Variants in KIF26B observed in about 807,000 individuals in gnomAD.
KIF26B encodes the protein kinesin family member 26B, also known as kinesin-like protein KIF26B.
A neutral mutation model predicts 151.2 loss-of-function variants in KIF26B; 63 were observed. That is an observed-to-expected ratio of 0.42 (90% CI 0.34 to 0.51). The LOEUF (loss-of-function observed/expected upper bound fraction) is 0.51. Among genes scored for constraint, KIF26B ranks in the 20% least tolerant of loss-of-function variants. The pLI is 0.07. For synonymous variants in KIF26B, 1,357 were observed against 1,262.1 expected, an observed-to-expected ratio of 1.08 and a Z score of -1.59; for missense variants, 2,813 against 2,913.6, an observed-to-expected ratio of 0.97 and a Z score of 0.79.
At chr1:245,254,792 G>A (rs908071211) in intron 2 of KIF26B, among the ~76,000 whole-genome samples, 48 of 152,326 alleles carry the variant, frequency 3.2e-4, no homozygotes, top group African/African-American at 1.1e-3. Flanking sequence ...GGCTATGCAG[G>A]CAGCTATTCT....
intron 2 of KIF26B, among the ~76,000 whole-genome samples, chr1:245,304,111 C>T (rs1384106654): frequency 6.6e-6 from 1 of 152,220 alleles, no homozygotes; most frequent in Non-Finnish European, 1.5e-5. Context: ...AAGCCAGCCA[C>T]AGACCCAGGG....
intron 2 of KIF26B, among the ~76,000 whole-genome samples, chr1:245,307,782 C>T (rs1440661750): frequency 1.3e-5 from 2 of 151,138 alleles, no homozygotes; most frequent in Non-Finnish European, 2.9e-5. Context: ...GCTCTGTCGC[C>T]CAGGCTGGAG....
chr1:245,519,100 G>C (rs1033675017), intron 4 of KIF26B, among the ~76,000 whole-genome samples: 1 of 152,138 alleles, frequency 6.6e-6, no homozygotes, highest in Non-Finnish European at 1.5e-5. Context: ...TATAATGAGA[G>C]TTATTAGAGT....
intron 2 of KIF26B, among the ~76,000 whole-genome samples, chr1:245,297,968 C>A (rs1484342002): frequency 2.6e-5 from 4 of 152,124 alleles, no homozygotes; most frequent in African/African-American, 9.7e-5. Context: ...CTCACTGCAA[C>A]CTCCACCTCC....
chr1:245,158,216 A>T (rs765604344), intron 2 of KIF26B, among the ~76,000 whole-genome samples: 4 of 152,196 alleles, frequency 2.6e-5, no homozygotes, highest in Non-Finnish European at 5.9e-5. Flanking sequence ...ACCTATTCTT[A>T]TAATAGGCTT....
chr1:245,696,497 A>C (rs1451478791), intron 12 of KIF26B, among the ~76,000 whole-genome samples: 2 of 151,886 alleles, frequency 1.3e-5, no homozygotes, highest in East Asian at 3.9e-4. Context: ...GGGATATGTG[A>C]GATCAATGTT....
chr1:245,651,488 G>A (rs2044014774), intron 10 of KIF26B, among the ~76,000 whole-genome samples: 1 of 152,120 alleles, frequency 6.6e-6, no homozygotes, highest in African/African-American at 2.4e-5. Flanking sequence ...ATGGAGATTT[G>A]GGATTAGCCT....
chr1:245,421,769 G>C lies in KIF26B; in HGVS notation c.1166+2024G>C, dbSNP rs1253696075. On this transcript the variant is annotated intron_variant, in intron 4 of 14. Transcript: ENST00000407071. The stretch of plus-strand genomic sequence containing the variant: ...GAACATGAGTTCTCCTTAAATTCTT[G>C]GTGCGAGGAAACCAGCAGCGTCTTT... 2.0e-5 allele frequency among the ~76,000 whole-genome samples: 3 copies of C among 152,008 alleles called. No individual in the cohort carries two copies. In the East Asian group the frequency reaches 5.8e-4, roughly 29 times the overall value.
chr1:245,525,849 C>T (rs1661226957), intron 4 of KIF26B, among the ~76,000 whole-genome samples: 1 of 152,040 alleles, frequency 6.6e-6, no homozygotes, highest in Non-Finnish European at 1.5e-5. Context: ...TTATAATTAA[C>T]AATGTGTTAG....
chr1:245,480,857 G>A (rs1660154337), intron 4 of KIF26B, among the ~76,000 whole-genome samples: 1 of 151,078 alleles, frequency 6.6e-6, no homozygotes, highest in Admixed American at 6.6e-5. Context: ...TATTCTCAGT[G>A]AAAGGGACCA....
Position 245,699,843 on chromosome 1 carries a change from C to A in KIF26B, c.6178+806C>A, listed in dbSNP as rs1350028881. ...TGCACTGCCCCAACCCTCTTCCAGT[C>A]TTCCCCAGCCAGTGTGGAGGGCCTA... On this transcript the variant is annotated intron_variant, in intron 14 of 14. Coordinates refer to ENST00000407071, the MANE Select transcript of KIF26B (RefSeq NM_018012.4). 2.6e-5 allele frequency among the ~76,000 whole-genome samples: 4 copies of A among 152,368 alleles called. No homozygotes were observed. The East Asian group carries it at 7.7e-4, about 29-fold the overall frequency.
chr1:245,519,371 T>C (rs1178464440), intron 4 of KIF26B, among the ~76,000 whole-genome samples: 1 of 152,000 alleles, frequency 6.6e-6, no homozygotes, highest in Admixed American at 6.6e-5. Flanking sequence ...CTGGCCAACA[T>C]GGTGAAACCC....
At chr1:245,465,061 C>T (rs1659752108) in intron 4 of KIF26B, among the ~76,000 whole-genome samples, 1 of 147,016 alleles carries the variant, frequency 6.8e-6, no homozygotes, top group South Asian at 2.2e-4. Flanking sequence ...TCACTGCAAG[C>T]TCCGCCTCCC....
chr1:245,433,317 AT>A (rs1412027620), intron 4 of KIF26B, among the ~76,000 whole-genome samples: 1 of 133,852 alleles, frequency 7.5e-6, no homozygotes, highest in African/African-American at 2.8e-5. Flanking sequence ...AAAAAAAAAA[AT>A]TAACAGGGCG....
chr1:245,562,042 T>G lies in KIF26B; in HGVS notation c.1350+21092T>G, dbSNP rs372885078. The stretch of plus-strand genomic sequence containing the variant: ...GCAGCTGTTTCATACCCAGATGACC[T>G]GGGGGGCATCTTCAGTGTGTGCAGA... On this transcript the variant is annotated intron_variant, in intron 5 of 14. Transcript: ENST00000407071. Among the ~76,000 whole-genome samples the G allele has an allele frequency of 1.2e-3, 182 of 152,206 alleles. 2 individuals are homozygous for G. The South Asian group carries it at 0.031, about 26-fold the overall frequency.
At chr1:245,381,746 A>G (rs1039096117) in intron 3 of KIF26B, among the ~76,000 whole-genome samples, 1 of 152,140 alleles carries the variant, frequency 6.6e-6, no homozygotes, top group Non-Finnish European at 1.5e-5. Flanking sequence ...CCCTCCCACC[A>G]GCCCCTGGCA....
At chr1:245,444,089 TGCGGTCATCTCCCTCACTGTTCACCTAGA>T (rs1558168127) in intron 4 of KIF26B, among the ~76,000 whole-genome samples, 18 of 132,654 alleles carry the variant, frequency 1.4e-4, no homozygotes, top group Admixed American at 2.3e-4. Flanking sequence ...CTGTTCACCC[TGCGGTCATCTCCCTCACTGTTCACCTAGA>T]GCGGTCATCT....
chr1:245,437,939 C>T (rs557047362), intron 4 of KIF26B, among the ~76,000 whole-genome samples: 3 of 152,038 alleles, frequency 2.0e-5, no homozygotes, highest in Non-Finnish European at 4.4e-5. Context: ...GAATTTAGTC[C>T]CATTATTTTT....
At position 245,699,010 on chromosome 1, in the gene KIF26B, C is replaced by A. The variant is rs1291674039; in HGVS notation, c.6151C>A (p.Leu2051Met). 6.2e-7 allele frequency: 1 copy of A among 1,613,898 alleles called. No homozygotes were observed. The change falls in exon 14 of 15, where the codon CTG becomes ATG. Residue 2051 changes from leucine to methionine, a missense_variant. Leu to Met is a conservative substitution (Grantham distance 15). Coordinates refer to ENST00000407071, the MANE Select transcript of KIF26B (RefSeq NM_018012.4). ...GGAGGCGACCAAACAGTATCTGATG[C>A]TGGATCCCAACAAGTGGCTCAGTGA... The part of the protein sequence containing the change: ...ELEATKQYLM[L>M]DPNKWLSEFD...
Sources: allele counts gnomAD v4.1 joint callset (sites outside exome capture counted in the v4.1 genomes callset), GRCh38; gene constraint gnomAD v4.1.1; transcripts MANE v1.5; gene names NCBI Gene and HGNC (gene_info 2026-07-23, HGNC 2026-07-21).